CEP128: variants seen among roughly 807,000 people sequenced by gnomAD.
CEP128 encodes the protein centrosomal protein 128kDa.
In CEP128, 132 loss-of-function variants were observed where a neutral mutation model predicts 156.7. The observed-to-expected ratio is 0.84, with a 90% CI of 0.73 to 0.97. CEP128 has a LOEUF of 0.97. CEP128 is among the 50% of genes least tolerant of loss of function. The probability of loss-of-function intolerance (pLI) is 0.00; values close to 1 mark genes in which losing one functional copy is unlikely to be tolerated. For missense variants in CEP128, 1,252 were observed against 1,281.9 expected, an observed-to-expected ratio of 0.98 and a Z score of 0.36; for synonymous variants, 469 against 448.9, an observed-to-expected ratio of 1.04 and a Z score of -0.57.
intron 19 of CEP128, among the ~76,000 whole-genome samples, chr14:80,603,350 G>A (rs1386138730): frequency 6.6e-6 from 1 of 152,158 alleles, no homozygotes; most frequent in Non-Finnish European, 1.5e-5. Context: ...CTGGAGGGAG[G>A]GATATGGGAG....
At chr14:80,840,607 C>T (rs1254026143) in intron 10 of CEP128, 75 bp downstream of exon 10, 2 of 901,898 alleles carry the variant, frequency 2.2e-6, no homozygotes, top group Non-Finnish European at 3.6e-6. Flanking sequence ...CCTGGGGACA[C>T]TTTTCAAGGC....
chr14:80,597,479 CTT>C (rs1214000705), intron 19 of CEP128, among the ~76,000 whole-genome samples: 16 of 152,058 alleles, frequency 1.1e-4, no homozygotes, highest in Admixed American at 1.0e-3. Context: ...TCACTAATAA[CTT>C]TTACCAAATG....
At chr14:80,590,650 GA>G (rs966865132) in intron 19 of CEP128, among the ~76,000 whole-genome samples, 3 of 149,490 alleles carry the variant, frequency 2.0e-5, no homozygotes, top group Non-Finnish European at 3.0e-5. Context: ...TAGAAGAGGA[GA>G]AAAAAAAGAA....
At chr14:80,857,444 G>C (rs1282157034) in intron 9 of CEP128, among the ~76,000 whole-genome samples, 6 of 151,868 alleles carry the variant, frequency 4.0e-5, no homozygotes, top group Non-Finnish European at 8.8e-5. Context: ...AACAACACTT[G>C]AATTTAGGTC....
intron 20 of CEP128, among the ~76,000 whole-genome samples, chr14:80,575,760 C>T (rs986743887): frequency 1.3e-5 from 2 of 152,106 alleles, no homozygotes; most frequent in African/African-American, 4.8e-5. Flanking sequence ...TTATTATTAT[C>T]CTTAATTTAC....
chr14:80,501,726 G>A (rs1480655138), intron 24 of CEP128, among the ~76,000 whole-genome samples: 3 of 151,754 alleles, frequency 2.0e-5, no homozygotes, highest in Non-Finnish European at 4.4e-5. Context: ...GGATGGTCTC[G>A]ATCTCCAGAC....
intron 17 of CEP128, among the ~76,000 whole-genome samples, chr14:80,758,588 T>C (rs1899795302): frequency 6.8e-6 from 1 of 147,844 alleles, no homozygotes; most frequent in Non-Finnish European, 1.5e-5. Context: ...GAGAACACAA[T>C]AAACCACTGC....
At chr14:80,766,825 T>C (rs1900263022) in intron 16 of CEP128, among the ~76,000 whole-genome samples, 1 of 151,942 alleles carries the variant, frequency 6.6e-6, no homozygotes, top group Middle Eastern at 3.4e-3. Context: ...TAGGGGGAGA[T>C]AGGATAAAAG....
intron 8 of CEP128, among the ~76,000 whole-genome samples, chr14:80,883,877 A>G (rs1048602244): frequency 1.1e-4 from 17 of 152,232 alleles, no homozygotes; most frequent in Non-Finnish European, 2.5e-4. Context: ...GCATAGAAAC[A>G]GAAACATAGA....
intron 13 of CEP128, among the ~76,000 whole-genome samples, chr14:80,801,696 C>G (rs1883865220): frequency 6.6e-6 from 1 of 151,762 alleles, no homozygotes; most frequent in Non-Finnish European, 1.5e-5. Flanking sequence ...ATCACAAGGT[C>G]AGGAGTTTGA....
intron 6 of CEP128, among the ~76,000 whole-genome samples, chr14:80,491,337 C>CT (rs1476723714): frequency 6.6e-6 from 1 of 152,088 alleles, no homozygotes; most frequent in African/African-American, 2.4e-5. Context: ...AGCTGTTGGG[C>CT]GGAGGCTGCT....
intron 6 of CEP128, among the ~76,000 whole-genome samples, chr14:80,903,894 A>T (rs1883723328): frequency 6.6e-6 from 1 of 152,162 alleles, no homozygotes; most frequent in Non-Finnish European, 1.5e-5. Context: ...CCTACTGGGA[A>T]CGTAAACTAG....
chr14:80,915,399 A>G (rs1166948547), intron 3 of CEP128, among the ~76,000 whole-genome samples: 1 of 152,246 alleles, frequency 6.6e-6, no homozygotes, highest in Non-Finnish European at 1.5e-5. Flanking sequence ...GCCACCAGAA[A>G]TTACCCTCTT....
chr14:80,711,983 C>T (rs779933548), intron 19 of CEP128, among the ~76,000 whole-genome samples: 25 of 152,004 alleles, frequency 1.6e-4, no homozygotes, highest in Non-Finnish European at 2.5e-4. Flanking sequence ...CATAAGTATA[C>T]GAACTTAATT....
At chr14:80,819,438 G>T (rs1037122452) in intron 13 of CEP128, among the ~76,000 whole-genome samples, 1 of 151,790 alleles carries the variant, frequency 6.6e-6, no homozygotes, top group African/African-American at 2.4e-5. Flanking sequence ...AGTAGAGACG[G>T]GGTTTCACTG....
chr14:80,680,380 G>A (rs116588271), intron 19 of CEP128, among the ~76,000 whole-genome samples: 86 of 152,222 alleles, frequency 5.6e-4, no homozygotes, highest in African/African-American at 1.9e-3. Flanking sequence ...CCCACCCTTC[G>A]TGGATATAGA....
At chr14:80,822,385 T>C (rs1317614751) in intron 13 of CEP128, 1 of 389,670 alleles carries the variant, frequency 2.6e-6, no homozygotes, top group Non-Finnish European at 4.9e-6. Context: ...CCCATGCAAG[T>C]CCAAAATCCA....
At chr14:80,839,555 G>A (rs151051741) in intron 10 of CEP128, among the ~76,000 whole-genome samples, 2 of 152,148 alleles carry the variant, frequency 1.3e-5, no homozygotes, top group African/African-American at 4.8e-5. Context: ...TAAAGCTGGT[G>A]AAATCTGTAT....
At chr14:80,858,768 T>C (rs1413346479) in intron 9 of CEP128, among the ~76,000 whole-genome samples, 1 of 151,838 alleles carries the variant, frequency 6.6e-6, no homozygotes, top group Non-Finnish European at 1.5e-5. Context: ...AAAGAAGACA[T>C]TTATGCAGCC....
Sources: allele counts gnomAD v4.1 joint callset (sites outside exome capture counted in the v4.1 genomes callset), GRCh38; gene constraint gnomAD v4.1.1; transcripts MANE v1.5; gene names NCBI Gene and HGNC (gene_info 2026-07-23, HGNC 2026-07-21).